CADPS: variants seen among roughly 807,000 people sequenced by gnomAD.
CADPS encodes the protein calcium dependent secretion activator.
Under a neutral mutation model 167.3 loss-of-function variants are expected in CADPS, and 57 were observed. The observed-to-expected ratio is 0.34, with a 90% confidence interval of 0.28 to 0.42. The LOEUF is 0.42. CADPS is among the 20% of genes least tolerant of loss of function. The probability of loss-of-function intolerance (pLI) is 1.00; values close to 1 mark genes in which losing one functional copy is unlikely to be tolerated. For missense variants in CADPS, 1,414 were observed against 1,738.1 expected (o/e 0.81, Z 3.32); for synonymous variants, 676 against 635.3 (o/e 1.06, Z -0.96).
At chr3:62,714,999 T>C (rs2084159514) in intron 3 of CADPS, among the ~76,000 whole-genome samples, 2 of 152,144 alleles carry the variant, frequency 1.3e-5, no homozygotes, top group South Asian at 4.1e-4. Context: ...ATAAGAAATG[T>C]TTGTAAATTT....
Position 62,753,884 on chromosome 3 carries a change from C to T in CADPS, c.556-111G>A, listed in dbSNP as rs1360800919. The stretch of plus-strand genomic sequence containing the variant: ...ACCTCACGTGCATCCCAGGAGGAAC[C>T]ACTGTGGGTCTCACCCTGCCCCACC... On this transcript the variant is annotated intron_variant, in intron 2 of 29. Transcript: ENST00000383710. The surrounding 1 kb of genome is among the most constrained non-coding windows in gnomAD (Gnocchi z 4.6). 4.0e-6 allele frequency: 4 copies of T among 995,682 alleles called. No homozygotes were observed. In the East Asian group the frequency reaches 1.1e-4, roughly 26 times the overall value. 61.7% of individuals were successfully genotyped at this position (995,682 alleles called of 1,614,324 possible). A position where few individuals can be genotyped will look rare whatever the true frequency, so the allele number is the denominator to read the frequency against.
chr3:62,677,382 C>A (rs1397309947), intron 3 of CADPS, among the ~76,000 whole-genome samples: 2 of 152,072 alleles, frequency 1.3e-5, no homozygotes, highest in African/African-American at 2.4e-5. Flanking sequence ...ATTTTTCTGA[C>A]AAAATTCTAT....
chr3:62,782,117 A>T (rs1362404591), intron 1 of CADPS, among the ~76,000 whole-genome samples: 2 of 152,228 alleles, frequency 1.3e-5, no homozygotes, highest in Admixed American at 1.3e-4. Flanking sequence ...GGTTAAAAAC[A>T]TATGTGGAAA....
rs371108018 is a variant in CADPS at position 62,651,057 on chromosome 3, T to A, written c.993A>T (p.Val331=). The stretch of plus-strand genomic sequence containing the variant: ...TGTACATGTTTTCCATTTCTTTGGA[T>A]ACAAACTTGGGAAATTTGCGTTCCT... The part of the protein sequence containing the change: ...IARERKFPKF[V]SKEMENMYIE... The change falls in exon 5 of 30, where the codon GTA becomes GTT. Residue 331 remains valine (V), a synonymous_variant. Coordinates refer to ENST00000383710, the MANE Select transcript of CADPS (RefSeq NM_003716.4). 5 of 1,613,604 alleles carry A rather than the reference T, an allele frequency of 3.1e-6. No homozygotes were observed. The African/African-American group carries it at 5.3e-5, about 17-fold the overall frequency.
chr3:62,515,032 C>T (rs906782016), intron 16 of CADPS, among the ~76,000 whole-genome samples: 1 of 152,060 alleles, frequency 6.6e-6, no homozygotes, highest in Non-Finnish European at 1.5e-5. Context: ...AGAGGGAGGA[C>T]ACGTAATGTA....
intron 2 of CADPS, among the ~76,000 whole-genome samples, chr3:62,754,866 C>T (rs562528647): frequency 1.4e-4 from 21 of 152,252 alleles, no homozygotes; most frequent in African/African-American, 4.8e-4. Flanking sequence ...TTTGTACCTC[C>T]TTTTATCCCT....
chr3:62,550,749 C>T (rs76575497), intron 10 of CADPS: 4,971 of 454,404 alleles, frequency 0.011, 175 homozygotes, highest in Admixed American at 0.065. Context: ...GAAACTTGTC[C>T]AGGTTTCAGT....
At chr3:62,439,923 A>G (rs1049372239) in intron 27 of CADPS, 1 of 151,676 alleles carries the variant, frequency 6.6e-6, no homozygotes, top group Non-Finnish European at 1.5e-5. Flanking sequence ...AGTTTTAAAA[A>G]CTCTGGTATT....
intron 11 of CADPS, among the ~76,000 whole-genome samples, chr3:62,549,236 G>T (rs2076951922): frequency 6.6e-6 from 1 of 152,122 alleles, no homozygotes; most frequent in South Asian, 2.1e-4. Context: ...ACATGTACTG[G>T]CTTTCACCTC....
chr3:62,424,000 T>C (rs1473387741), intron 28 of CADPS, among the ~76,000 whole-genome samples: 1 of 152,214 alleles, frequency 6.6e-6, no homozygotes, highest in Admixed American at 6.5e-5. Flanking sequence ...GTTTTCCTCT[T>C]AGGAGAATGC....
intron 28 of CADPS, among the ~76,000 whole-genome samples, chr3:62,436,609 G>A (rs540121175): frequency 6.6e-6 from 1 of 152,180 alleles, no homozygotes; most frequent in Non-Finnish European, 1.5e-5. Flanking sequence ...GGGAGGACCC[G>A]CTGGTGAGCT....
In CADPS at chr3:62,601,547, C is replaced by T. The variant is rs2059973535; in HGVS notation, c.1326-8799G>A. Among the ~76,000 whole-genome samples, 1 of 152,180 alleles carries T rather than the reference C, an allele frequency of 6.6e-6. No homozygotes were observed. Among genetic ancestry groups the T allele is most frequent in the Non-Finnish European group, 1.5e-5 (1 of 68,024 alleles). On this transcript the variant is annotated intron_variant, in intron 6 of 29. Coordinates refer to ENST00000383710, the MANE Select transcript of CADPS (RefSeq NM_003716.4). This position sits in a 1 kb window ranked among gnomAD's most constrained non-coding sequence, Gnocchi z 4.3. Reference sequence around the variant, plus strand: ...ATGCACTCACAAAGACAGCTGACCCCATGGGGATCCAATTTGCTGCTCTAA... The same window carrying T: ...ATGCACTCACAAAGACAGCTGACCCTATGGGGATCCAATTTGCTGCTCTAA...
At chr3:62,461,875 A>ACACACCTTT (rs1422255432) in intron 26 of CADPS, among the ~76,000 whole-genome samples, 1 of 152,208 alleles carries the variant, frequency 6.6e-6, no homozygotes. Context: ...AGGGCCGAGA[A>ACACACCTTT]CACACCTTTC....
intron 3 of CADPS, among the ~76,000 whole-genome samples, chr3:62,710,996 G>C (rs1352587867): frequency 6.6e-6 from 1 of 152,100 alleles, no homozygotes; most frequent in Non-Finnish European, 1.5e-5. Flanking sequence ...CCAGAAGCCA[G>C]TCACTGTTGC....
chr3:62,778,530 C>T (rs1201580889), intron 1 of CADPS, among the ~76,000 whole-genome samples: 1 of 152,174 alleles, frequency 6.6e-6, no homozygotes, highest in Non-Finnish European at 1.5e-5. Context: ...CCTCTTTAGT[C>T]TGAACTCCCT....
intron 28 of CADPS, among the ~76,000 whole-genome samples, chr3:62,416,799 A>G (rs1438926848): frequency 6.6e-6 from 1 of 152,180 alleles, no homozygotes; most frequent in African/African-American, 2.4e-5. Context: ...AAACACAGAC[A>G]GGACAAAATG....
intron 24 of CADPS, chr3:62,470,645 A>G (rs555828312): frequency 6.6e-6 from 1 of 152,364 alleles, no homozygotes; most frequent in African/African-American, 2.4e-5. Flanking sequence ...GCCACTTGGC[A>G]TTCAAAGAAG....
intron 3 of CADPS, among the ~76,000 whole-genome samples, chr3:62,731,471 T>G (rs565705299): frequency 6.6e-6 from 1 of 152,150 alleles, no homozygotes; most frequent in African/African-American, 2.4e-5. Context: ...CAAACTGAGG[T>G]AGTCCACATT....
At chr3:62,520,267 CA>C (rs1488122863) in intron 13 of CADPS, among the ~76,000 whole-genome samples, 1 of 152,204 alleles carries the variant, frequency 6.6e-6, no homozygotes, top group East Asian at 1.9e-4. Context: ...AATTAGAAGG[CA>C]GCTTTCTGCT....
Sources: allele counts gnomAD v4.1 joint callset (sites outside exome capture counted in the v4.1 genomes callset), GRCh38; gene constraint gnomAD v4.1.1; non-coding constraint Gnocchi (gnomAD v3.1); transcripts MANE v1.5; gene names NCBI Gene and HGNC (gene_info 2026-07-23, HGNC 2026-07-21).